Variants in DAB1 observed in about 807,000 individuals in gnomAD.
DAB1 encodes the protein disabled homolog 1.
Under a neutral mutation model 64.6 loss-of-function variants are expected in DAB1, and 15 were observed. The observed-to-expected ratio is 0.23, with a 90% CI of 0.16 to 0.36. The LOEUF is 0.36. Among genes scored for constraint, DAB1 ranks in the 10% least tolerant of loss-of-function variants. DAB1 has a pLI of 1.00. For missense variants in DAB1, 596 were observed against 706.7 expected (o/e 0.84, Z 1.78); for synonymous variants, 235 against 251.9 (o/e 0.93, Z 0.64).
chr1:57,299,548 T>G (rs1558119127), intron 1 of DAB1, among the ~76,000 whole-genome samples: 2 of 151,124 alleles, frequency 1.3e-5, no homozygotes, highest in East Asian at 3.9e-4. Flanking sequence ...ATGGATCACA[T>G]AGTTTCATTA....
At chr1:58,526,900 C>A (rs999744246) in intron 2 of DAB1, among the ~76,000 whole-genome samples, 5 of 152,002 alleles carry the variant, frequency 3.3e-5, no homozygotes, top group Non-Finnish European at 5.9e-5. Context: ...ATTACATAAC[C>A]AAATGTTTTA....
intron 5 of DAB1, among the ~76,000 whole-genome samples, chr1:58,070,894 T>C (rs2100570569): frequency 6.6e-6 from 1 of 152,220 alleles, no homozygotes; most frequent in South Asian, 2.1e-4. Context: ...TTGAATTAAG[T>C]GTGGAAATGT....
chr1:58,377,008 CT>C (rs1644334540), intron 3 of DAB1, among the ~76,000 whole-genome samples: 3 of 81,956 alleles, frequency 3.7e-5, no homozygotes, highest in African/African-American at 1.5e-4. Flanking sequence ...CAACCCCTGC[CT>C]TTTTTTGTTT....
chr1:57,393,263 G>A (rs1437524208), intron 1 of DAB1, among the ~76,000 whole-genome samples: 1 of 152,182 alleles, frequency 6.6e-6, no homozygotes, highest in East Asian at 1.9e-4. Flanking sequence ...CCAGATCACT[G>A]AGATATATTG....
At chr1:58,520,592 A>G (rs1429971337) in intron 2 of DAB1, among the ~76,000 whole-genome samples, 2 of 152,204 alleles carry the variant, frequency 1.3e-5, no homozygotes, top group Non-Finnish European at 2.9e-5. Flanking sequence ...CTACACACAC[A>G]AGAACACAGG....
intron 6 of DAB1, among the ~76,000 whole-genome samples, chr1:57,759,506 G>T (rs1370456563): frequency 6.6e-6 from 1 of 152,142 alleles, no homozygotes; most frequent in South Asian, 2.1e-4. Flanking sequence ...TGTCACTTCT[G>T]TAGTATGGAA....
chr1:56,996,154 T>C lies in DAB1; in HGVS notation c.*1990A>G, dbSNP rs1645607936. On this transcript the variant is annotated 3_prime_UTR_variant, in exon 15 of 15. Transcript: ENST00000371236. ...CGCTTTGTGAACAAGTATACAATCATTTTTCAAATGAATCTCCCAAATCAT... is the reference window on the plus strand; with the variant it reads ...CGCTTTGTGAACAAGTATACAATCACTTTTCAAATGAATCTCCCAAATCAT... 6.6e-6 allele frequency: 1 copy of C among 152,264 alleles called. No homozygotes were observed. The highest frequency in any genetic ancestry group is 2.1e-4 in the South Asian group (1 of 4,836). 9.4% of individuals were successfully genotyped at this position (152,264 alleles called of 1,614,324 possible).
chr1:58,513,477 G>A (rs1646112450), intron 2 of DAB1, among the ~76,000 whole-genome samples: 1 of 152,160 alleles, frequency 6.6e-6, no homozygotes, highest in African/African-American at 2.4e-5. Context: ...TTAAGCAACT[G>A]TAAGTACACG....
chr1:57,075,136 T>C (rs942746769), intron 4 of DAB1, among the ~76,000 whole-genome samples: 1 of 152,194 alleles, frequency 6.6e-6, no homozygotes, highest in African/African-American at 2.4e-5. Flanking sequence ...CAGTGCCTTA[T>C]TGATTGCCAA....
At chr1:57,069,296 T>G in intron 8 of DAB1, 64 bp downstream of exon 8, 1 of 1,320,260 alleles carries the variant, frequency 7.6e-7, no homozygotes, top group African/African-American at 1.4e-5. Context: ...TTCTTTAGAC[T>G]ATCAGTACAT....
chr1:57,071,743 A>G, intron 5 of DAB1, 102 bp from the exon 6 acceptor site: 1 of 1,126,688 alleles, frequency 8.9e-7, no homozygotes, highest in Non-Finnish European at 1.3e-6. Context: ...TCCTTTTTCT[A>G]TTAATCTGAA....
At chr1:58,518,476 T>C (rs1438999258) in intron 2 of DAB1, among the ~76,000 whole-genome samples, 1 of 151,818 alleles carries the variant, frequency 6.6e-6, no homozygotes, top group Admixed American at 6.6e-5. Flanking sequence ...GGAGTAGGAC[T>C]GGAGTCAATG....
At chr1:58,417,360 T>C (rs888194237) in intron 3 of DAB1, among the ~76,000 whole-genome samples, 14 of 152,232 alleles carry the variant, frequency 9.2e-5, no homozygotes, top group Non-Finnish European at 1.5e-5. Context: ...GGCCCCTGCC[T>C]CTTGGATGCC....
chr1:58,394,224 G>A (rs1459370587), intron 3 of DAB1, among the ~76,000 whole-genome samples: 2 of 152,136 alleles, frequency 1.3e-5, no homozygotes, highest in African/African-American at 2.4e-5. Flanking sequence ...TCCAAGTGTT[G>A]GCAGAGATGT....
chr1:57,256,828 A>G (rs1041331997), intron 2 of DAB1, among the ~76,000 whole-genome samples: 1 of 152,202 alleles, frequency 6.6e-6, no homozygotes, highest in African/African-American at 2.4e-5. Context: ...TCTGGGGTCC[A>G]GCTCAGACTT....
chr1:58,245,145 G>A (rs192965633), intron 4 of DAB1, among the ~76,000 whole-genome samples: 3 of 152,298 alleles, frequency 2.0e-5, no homozygotes, highest in East Asian at 1.9e-4. Context: ...ATCTCTTAAC[G>A]AAACTGTCCC....
intron 1 of DAB1, chr1:57,876,854 AGGGAGGAGATGCCTCT>A (rs1569900122): frequency 6.6e-6 from 1 of 152,092 alleles, no homozygotes; most frequent in East Asian, 1.9e-4. Flanking sequence ...TGAAGGTCAC[AGGGAGGAGATGCCTCT>A]GGGCTAAAAC....
chr1:57,644,244 G>C (rs981214996), intron 7 of DAB1, among the ~76,000 whole-genome samples: 6 of 152,192 alleles, frequency 3.9e-5, no homozygotes, highest in African/African-American at 1.4e-4. Context: ...GAATGAACTG[G>C]AATGGGTGAG....
intron 1 of DAB1, among the ~76,000 whole-genome samples, chr1:57,854,996 T>C (rs372806292): frequency 6.6e-4 from 101 of 152,334 alleles, no homozygotes; most frequent in African/African-American, 2.1e-3. Flanking sequence ...TTTTCTTTTC[T>C]TTTTAACTCA....
Sources: gnomAD v4.1 joint callset for allele counts (sites outside exome capture counted in the v4.1 genomes callset) on GRCh38, gnomAD v4.1.1 for gene constraint, MANE v1.5 for transcripts, NCBI Gene and HGNC (gene_info 2026-07-23, HGNC 2026-07-21) for gene names.